RIMS2: variants seen among roughly 807,000 people sequenced by gnomAD.
The protein encoded by RIMS2 is regulating synaptic membrane exocytosis protein 2.
Under a neutral mutation model 174.4 loss-of-function variants are expected in RIMS2, and 59 were observed. The observed-to-expected ratio is 0.34, with a 90% confidence interval of 0.27 to 0.42. The LOEUF (loss-of-function observed/expected upper bound fraction) is 0.42, where lower values mean the gene tolerates loss of function less well. Ranked by LOEUF, RIMS2 falls within the 10% of genes least tolerant of loss-of-function variation. RIMS2 has a pLI of 1.00. For synonymous variants in RIMS2, 606 were observed against 572.5 expected (o/e 1.06, Z -0.84); for missense variants, 1,620 against 1,666.3 (o/e 0.97, Z 0.48).
intron 16 of RIMS2, chr8:103,976,548 C>CTTTTTTTTTTTTTTTTT (rs768820871): frequency 1.6e-5 from 2 of 124,568 alleles, no homozygotes; most frequent in East Asian, 2.1e-4. Flanking sequence ...TTTTCTTTTT[C>CTTTTTTTTTTTTTTTTT]TTTTTTTTTT....
chr8:104,099,878 G>A (rs1294771253), intron 19 of RIMS2, among the ~76,000 whole-genome samples: 1 of 150,954 alleles, frequency 6.6e-6, no homozygotes, highest in Non-Finnish European at 1.5e-5. Flanking sequence ...GTACAGTGGT[G>A]CAATCATGGC....
At chr8:104,115,452 G>A (rs969176039) in intron 19 of RIMS2, among the ~76,000 whole-genome samples, 1 of 151,950 alleles carries the variant, frequency 6.6e-6, no homozygotes, top group Non-Finnish European at 1.5e-5. Flanking sequence ...TTAACAATAT[G>A]GGAACACTTA....
At chr8:104,222,442 G>A (rs531641858) in intron 19 of RIMS2, among the ~76,000 whole-genome samples, 2 of 152,060 alleles carry the variant, frequency 1.3e-5, no homozygotes, top group African/African-American at 2.4e-5. Context: ...TACATTTTAC[G>A]TTGAAATCCC....
intron 1 of RIMS2, among the ~76,000 whole-genome samples, chr8:103,534,695 A>G (rs1375881767): frequency 6.6e-6 from 1 of 152,214 alleles, no homozygotes; most frequent in Non-Finnish European, 1.5e-5. Context: ...TTGAATCCCA[A>G]TTGAGTGAAA....
At chr8:103,766,365 C>A (rs562625058) in exon 3 of RIMS2, 2 of 1,613,786 alleles carry the variant, frequency 1.2e-6, no homozygotes, top group South Asian at 2.2e-5. Flanking sequence ...TGAGGAGGCA[C>A]CTCAGGAGAA....
chr8:103,698,303 G>A (rs775105000), intron 2 of RIMS2, among the ~76,000 whole-genome samples: 1 of 152,118 alleles, frequency 6.6e-6, no homozygotes, highest in South Asian at 2.1e-4. Flanking sequence ...GAAAGCAGAC[G>A]TTCCATTGTA....
intron 1 of RIMS2, among the ~76,000 whole-genome samples, chr8:103,682,126 T>G (rs148362973): frequency 1.3e-5 from 2 of 152,170 alleles, no homozygotes; most frequent in East Asian, 3.9e-4. Flanking sequence ...TTTTCTTGAA[T>G]TTGAGGTGGC....
chr8:103,764,561 CTA>C (rs1591907979), intron 2 of RIMS2, among the ~76,000 whole-genome samples: 1 of 152,076 alleles, frequency 6.6e-6, no homozygotes, highest in Non-Finnish European at 1.5e-5. Flanking sequence ...TATTTCATGT[CTA>C]TTAAAACTAA....
intron 3 of RIMS2, among the ~76,000 whole-genome samples, chr8:103,800,768 G>T (rs902058291): frequency 6.6e-6 from 1 of 152,096 alleles, no homozygotes; most frequent in Non-Finnish European, 1.5e-5. Flanking sequence ...TTATGTTCAT[G>T]AGGGAGAGTT....
At chr8:103,666,680 T>G (rs2096673609) in intron 1 of RIMS2, among the ~76,000 whole-genome samples, 1 of 152,190 alleles carries the variant, frequency 6.6e-6, no homozygotes, top group Non-Finnish European at 1.5e-5. Flanking sequence ...TTAGCATGAG[T>G]GACTCCATCT....
intron 1 of RIMS2, among the ~76,000 whole-genome samples, chr8:103,669,486 A>C (rs555863881): frequency 2.0e-5 from 3 of 152,304 alleles, no homozygotes; most frequent in Admixed American, 6.5e-5. Context: ...CACAGTCCAA[A>C]ATCTCATTTG....
At chr8:103,779,325 C>A (rs1340076925) in intron 3 of RIMS2, among the ~76,000 whole-genome samples, 2 of 152,126 alleles carry the variant, frequency 1.3e-5, no homozygotes, top group Non-Finnish European at 2.9e-5. Context: ...TTGCCCAGAT[C>A]TATGTCCTGG....
chr8:104,053,458 C>G (rs373742780), intron 19 of RIMS2, among the ~76,000 whole-genome samples: 1 of 152,056 alleles, frequency 6.6e-6, no homozygotes, highest in Non-Finnish European at 1.5e-5. Flanking sequence ...TTGGGAGATT[C>G]AGTATAAGAA....
intron 19 of RIMS2, among the ~76,000 whole-genome samples, chr8:104,153,386 C>T (rs906481304): frequency 3.9e-5 from 6 of 152,100 alleles, no homozygotes; most frequent in African/African-American, 4.8e-5. Flanking sequence ...GGAATTGACA[C>T]GTGCTATCCT....
chr8:103,843,034 C>A (rs1235163284), intron 3 of RIMS2, among the ~76,000 whole-genome samples: 1 of 152,124 alleles, frequency 6.6e-6, no homozygotes, highest in East Asian at 1.9e-4. Flanking sequence ...TGGATTAGGA[C>A]CCACCCCAGT....
At chr8:103,979,540 A>G (rs2093718699) in intron 16 of RIMS2, among the ~76,000 whole-genome samples, 1 of 152,232 alleles carries the variant, frequency 6.6e-6, no homozygotes, top group Admixed American at 6.5e-5. Flanking sequence ...AAGATGGGGA[A>G]TACGTGCACC....
At chr8:103,925,085 A>T (rs1229059740) in intron 10 of RIMS2, among the ~76,000 whole-genome samples, 1 of 151,524 alleles carries the variant, frequency 6.6e-6, no homozygotes, top group East Asian at 1.9e-4. Context: ...ATTAGTTTGT[A>T]GTCTTTGGCT....
intron 2 of RIMS2, among the ~76,000 whole-genome samples, chr8:103,751,610 T>A (rs914853827): frequency 2.0e-5 from 3 of 151,392 alleles, no homozygotes; most frequent in African/African-American, 7.3e-5. Context: ...CAGCACCTGT[T>A]GTTTCCTGAC....
At chr8:103,587,076 A>G (rs1392835151) in intron 1 of RIMS2, among the ~76,000 whole-genome samples, 1 of 152,082 alleles carries the variant, frequency 6.6e-6, no homozygotes, top group Non-Finnish European at 1.5e-5. Flanking sequence ...CTGAGCAACT[A>G]ACTATATTCC....
Sources: gnomAD v4.1 joint callset for allele counts (sites outside exome capture counted in the v4.1 genomes callset) on GRCh38, gnomAD v4.1.1 for gene constraint, MANE v1.5 for transcripts, NCBI Gene and HGNC (gene_info 2026-07-23, HGNC 2026-07-21) for gene names.